The following ANKRD34B variants were observed in gnomAD, a reference collection of about 807,000 sequenced individuals.
The protein encoded by ANKRD34B is ankyrin repeat domain-containing protein 34B.
In ANKRD34B, 2 loss-of-function variants were observed where a neutral mutation model predicts 4.4. That is an observed-to-expected ratio of 0.46 (90% CI 0.19 to 1.44). ANKRD34B has a LOEUF of 1.44. ANKRD34B is among the 40% of genes most tolerant of loss of function. The pLI, the probability that ANKRD34B is intolerant of heterozygous loss-of-function variation, is 0.26. For missense variants in ANKRD34B, 558 were observed against 604.7 expected, an observed-to-expected ratio of 0.92 and a Z score of 0.81; for synonymous variants, 226 against 227.1, an observed-to-expected ratio of 0.99 and a Z score of 0.05.
In ANKRD34B at chr5:80,559,683, A is replaced by T; in HGVS notation, c.337T>A (p.Leu113Met). The T allele has an allele frequency of 6.2e-7, 1 of 1,614,208 alleles. No homozygotes were observed. The highest frequency in any genetic ancestry group is 8.5e-7 in the Non-Finnish European group (1 of 1,180,042). Residue 113 changes from leucine (L) to methionine (M), a missense_variant, in exon 5 of 5, where the codon TTG becomes ATG. Leu to Met is a conservative substitution (Grantham distance 15, BLOSUM62 2). Transcript: ENST00000338682. ...LLLKSGADLSLQDHSSYSALV... is the reference protein window; with the variant it reads ...LLLKSGADLSMQDHSSYSALV... Reference sequence around the variant, plus strand: ...GCTGAGTAACTAGAATGGTCTTGCAAGCTGAGGTCAGCCCCACTCTTGAGG... The same window carrying T: ...GCTGAGTAACTAGAATGGTCTTGCATGCTGAGGTCAGCCCCACTCTTGAGG...
intron 2 of ANKRD34B, 31 bp downstream of exon 2, chr5:80,568,923 CACAGAG>C (rs1362648142): frequency 5.6e-3 from 227 of 40,444 alleles, no homozygotes; most frequent in Middle Eastern, 0.017. Flanking sequence ...CACACACACA[CACAGAG>C]AGAGAGAGAG....
chr5:80,570,035 C>T (rs568337134), intron 1 of ANKRD34B, 119 bp downstream of exon 1: 1 of 152,530 alleles, frequency 6.6e-6, no homozygotes, highest in South Asian at 2.1e-4. Context: ...GCAGGGAGCA[C>T]TGAGGCCGTG....
At chr5:80,565,914 ATATTAAT>A (rs1746551102) in intron 3 of ANKRD34B, among the ~76,000 whole-genome samples, 1 of 152,138 alleles carries the variant, frequency 6.6e-6, no homozygotes, top group African/African-American at 2.4e-5. Flanking sequence ...TTATTACAAG[ATATTAAT>A]TATTAAACAG....
At position 80,557,772 on chromosome 5, in the gene ANKRD34B, A is replaced by G. The variant is rs879122113; in HGVS notation, c.*703T>C. The G allele has an allele frequency of 2.6e-5, 4 of 152,144 alleles. No homozygotes were observed. In the South Asian group the frequency reaches 8.3e-4, roughly 31 times the overall value. 9.4% of individuals were successfully genotyped at this position (152,144 alleles called of 1,614,324 possible). ...CAGGTAAGTCTGTTTAAAAACCAAAACAAAGCAAAGCAAAACACAGTGCAC... is the reference window on the plus strand; with the variant it reads ...CAGGTAAGTCTGTTTAAAAACCAAAGCAAAGCAAAGCAAAACACAGTGCAC... On this transcript the variant is annotated 3_prime_UTR_variant, in exon 5 of 5. Transcript: ENST00000338682.
intron 4 of ANKRD34B, among the ~76,000 whole-genome samples, chr5:80,560,553 C>T (rs1746384550): frequency 6.6e-6 from 1 of 151,916 alleles, no homozygotes; most frequent in South Asian, 2.1e-4. Flanking sequence ...TCCAGCTACT[C>T]AGGAGACTGA....
rs1285938942 is a variant in ANKRD34B, at chr5:80,558,547, G to A, written c.1473C>T (p.Phe491=). 1.2e-6 allele frequency: 2 copies of A among 1,613,794 alleles called. No homozygotes were observed. Among genetic ancestry groups the A allele is most frequent in the Admixed American group, 1.7e-5 (1 of 59,978 alleles). ...MPTVPIFPKE[F]KSKKMLLRRQ... ...TCCTTAACAACATTTTCTTACTTTTGAATTCTTTAGGGAAAATCGGAACTG... is the reference window on the plus strand; with the variant it reads ...TCCTTAACAACATTTTCTTACTTTTAAATTCTTTAGGGAAAATCGGAACTG... The change falls in exon 5 of 5, where the codon TTC becomes TTT. Residue 491 remains phenylalanine, a synonymous_variant. Transcript: ENST00000338682.
intron 3 of ANKRD34B, among the ~76,000 whole-genome samples, 172 bp from the exon 4 acceptor site, chr5:80,563,987 T>C (rs34914263): frequency 0.12 from 17,740 of 152,232 alleles, 1,134 homozygotes; most frequent in Middle Eastern, 0.22. Flanking sequence ...GTATCAGTCA[T>C]TTAAAAAAAT....
At chr5:80,567,677 C>G (rs896792662) in intron 2 of ANKRD34B, among the ~76,000 whole-genome samples, 2 of 143,166 alleles carry the variant, frequency 1.4e-5, no homozygotes, top group African/African-American at 5.0e-5. Flanking sequence ...TTCTTTTGAG[C>G]CTTTCACTCT....
chr5:80,559,074 T>C lies in ANKRD34B; in HGVS notation c.946A>G (p.Lys316Glu). 1.2e-6 allele frequency: 2 copies of C among 1,614,258 alleles called. No individual in the cohort carries two copies. The highest frequency in any genetic ancestry group is 1.7e-6 in the Non-Finnish European group (2 of 1,180,048). Residue 316 changes from lysine to glutamate, a missense_variant, in exon 5 of 5, where the codon AAG becomes GAG. Physicochemically the swap from Lys to Glu is moderately conservative, Grantham distance 56. Transcript: ENST00000338682. ...LRAFDQASSR[K>E]MSYDEINCQS... Reference sequence around the variant, plus strand: ...CAATTTATTTCATCATATGACATCTTCCTTGAGCTGGCCTGATCAAAGGCT... The same window carrying C: ...CAATTTATTTCATCATATGACATCTCCCTTGAGCTGGCCTGATCAAAGGCT...
Position 80,559,904 on chromosome 5 carries a change from C to A in ANKRD34B, c.116G>T (p.Ser39Ile). 1 of 1,614,036 alleles carries A rather than the reference C, an allele frequency of 6.2e-7. No homozygotes were observed. The highest frequency in any genetic ancestry group is 2.2e-5 in the East Asian group (1 of 44,854). ...TAAAGGGGTTTCCCCACGGTCGTTG[C>A]TCTCATTAATGTAGGCACCGCCTTC... Reference protein sequence around the residue: ...LLEGGAYINESNDRGETPLMI... With the variant: ...LLEGGAYINEINDRGETPLMI... Residue 39 changes from serine (S) to isoleucine (I), a missense_variant, in exon 5 of 5, where the codon AGC becomes ATC. Physicochemically the swap from Ser to Ile is moderately radical, Grantham distance 142. Transcript: ENST00000338682.
Position 80,559,745 on chromosome 5 carries a change from C to T in ANKRD34B, c.275G>A (p.Cys92Tyr). Residue 92 changes from cysteine (C) to tyrosine (Y), a missense_variant, in exon 5 of 5, where the codon TGC (cysteine) becomes TAC (tyrosine). Coordinates refer to ENST00000338682, the MANE Select transcript of ANKRD34B (RefSeq NM_001004441.3). Reference sequence around the variant, plus strand: ...AACTTCAGGGCCAGCTTTTTCTAAGCAAGCATGCATCAGAGCCGTTTTCCC... The same window carrying T: ...AACTTCAGGGCCAGCTTTTTCTAAGTAAGCATGCATCAGAGCCGTTTTCCC... ...KSGKTALMHA[C>Y]LEKAGPEVVS... The T allele has an allele frequency of 6.2e-7, 1 of 1,614,214 alleles. No individual in the cohort carries two copies. Among genetic ancestry groups the T allele is most frequent in the East Asian group, 2.2e-5 (1 of 44,892 alleles).
intron 2 of ANKRD34B, among the ~76,000 whole-genome samples, chr5:80,568,307 C>G (rs893422889): frequency 1.3e-5 from 2 of 152,224 alleles, no homozygotes; most frequent in African/African-American, 2.4e-5. Flanking sequence ...GGACCCCTGC[C>G]TCAGATTCAC....
intron 4 of ANKRD34B, among the ~76,000 whole-genome samples, chr5:80,562,435 C>T (rs1246070388): frequency 6.6e-6 from 1 of 152,086 alleles, no homozygotes; most frequent in African/African-American, 2.4e-5. Flanking sequence ...AATGATGAAA[C>T]AGAGCATCTC....
chr5:80,568,925 C>CACACAGAGAGAGAGAGAGAGAGAGAGAG, intron 2 of ANKRD34B, 35 bp downstream of exon 2: 1 of 49,900 alleles, frequency 2.0e-5, no homozygotes, highest in Non-Finnish European at 3.9e-5. Context: ...CACACACACA[C>CACACAGAGAGAGAGAGAGAGAGAGAGAG]AGAGAGAGAG....
chr5:80,568,797 G>T (rs1403200442), intron 2 of ANKRD34B, among the ~76,000 whole-genome samples, 163 bp downstream of exon 2: 1 of 151,898 alleles, frequency 6.6e-6, no homozygotes, highest in African/African-American at 2.4e-5. Flanking sequence ...TACCCGCAAA[G>T]GGCTGCCGTG....
intron 3 of ANKRD34B, 41 bp downstream of exon 3, chr5:80,566,648 A>G (rs868428527): frequency 2.6e-5 from 4 of 152,480 alleles, no homozygotes; most frequent in African/African-American, 9.7e-5. Flanking sequence ...AACTGCATTC[A>G]CCCTTCCAGA....
chr5:80,559,914 T>C lies in ANKRD34B; in HGVS notation c.106A>G (p.Ile36Val). The change falls in exon 5 of 5, where the codon ATT becomes GTT. Residue 36 changes from isoleucine (I) to valine (V), a missense_variant. Coordinates refer to ENST00000338682, the MANE Select transcript of ANKRD34B (RefSeq NM_001004441.3). ...TCCCCACGGTCGTTGCTCTCATTAATGTAGGCACCGCCTTCTAGCAAAAGT... is the reference window on the plus strand; with the variant it reads ...TCCCCACGGTCGTTGCTCTCATTAACGTAGGCACCGCCTTCTAGCAAAAGT... ...TRLLLEGGAY[I>V]NESNDRGETP... 2 of 1,614,236 alleles carry C rather than the reference T, an allele frequency of 1.2e-6. No individual in the cohort carries two copies. Among genetic ancestry groups the C allele is most frequent in the East Asian group, 2.2e-5 (1 of 44,890 alleles).
intron 3 of ANKRD34B, among the ~76,000 whole-genome samples, chr5:80,565,222 A>C (rs1383636430): frequency 6.6e-6 from 1 of 152,194 alleles, no homozygotes; most frequent in Non-Finnish European, 1.5e-5. Context: ...TTTGTACATC[A>C]AAAACACTGA....
rs1746294225 is a variant in ANKRD34B, at chr5:80,558,049, A to G, written c.*426T>C. On this transcript the variant is annotated 3_prime_UTR_variant, in exon 5 of 5. Transcript: ENST00000338682. ...CTGTCGGTGTTTTCTTTTATGGTTTAGAGATCATAAAAAATTTCAATCTCA... is the reference window on the plus strand; with the variant it reads ...CTGTCGGTGTTTTCTTTTATGGTTTGGAGATCATAAAAAATTTCAATCTCA... 6.5e-6 allele frequency: 1 copy of G among 153,908 alleles called. No homozygotes were observed. The highest frequency in any genetic ancestry group is 2.4e-5 in the African/African-American group (1 of 41,446). 9.5% of individuals were successfully genotyped at this position (153,908 alleles called of 1,614,324 possible).
Sources: allele counts gnomAD v4.1 joint callset (sites outside exome capture counted in the v4.1 genomes callset), GRCh38; gene constraint gnomAD v4.1.1; transcripts MANE v1.5; gene names NCBI Gene and HGNC (gene_info 2026-07-23, HGNC 2026-07-21).